The following PLPPR1 variants were observed in gnomAD, a reference collection of about 807,000 sequenced individuals.
PLPPR1 encodes the protein phospholipid phosphatase related 1.
In PLPPR1, 10 loss-of-function variants were observed where a neutral mutation model predicts 33.1. That is an observed-to-expected ratio of 0.30 (90% CI 0.19 to 0.51). The LOEUF (loss-of-function observed/expected upper bound fraction) is 0.51, where lower values mean the gene tolerates loss of function less well. PLPPR1 is among the 20% of genes least tolerant of loss of function. The pLI, the probability that PLPPR1 is intolerant of heterozygous loss-of-function variation, is 0.97. For missense variants in PLPPR1, 304 were observed against 408.1 expected, an observed-to-expected ratio of 0.74 and a Z score of 2.20; for synonymous variants, 151 against 151.0, an observed-to-expected ratio of 1.00 and a Z score of 0.00.
At chr9:101,258,775 G>A (rs180839985) in intron 2 of PLPPR1, among the ~76,000 whole-genome samples, 107 of 152,184 alleles carry the variant, frequency 7.0e-4, no homozygotes, top group Non-Finnish European at 1.3e-3. Context: ...TCTCAGGCTC[G>A]AGTTCTATGC....
At chr9:101,207,679 C>T (rs1301899714) in intron 2 of PLPPR1, among the ~76,000 whole-genome samples, 7 of 152,280 alleles carry the variant, frequency 4.6e-5, no homozygotes, top group African/African-American at 1.7e-4. Flanking sequence ...TGTATTTTGG[C>T]ATATGAAGTA....
chr9:101,187,720 A>G (rs2118721735), intron 2 of PLPPR1: 1 of 151,928 alleles, frequency 6.6e-6, no homozygotes, highest in East Asian at 1.9e-4. Context: ...TGACCAATGA[A>G]TATCTTTTCA....
intron 1 of PLPPR1, among the ~76,000 whole-genome samples, chr9:101,076,225 G>A (rs1830534857): frequency 1.3e-5 from 2 of 152,050 alleles, no homozygotes; most frequent in Non-Finnish European, 2.9e-5. Context: ...TCACTCTGAT[G>A]CATGCTTAAG....
chr9:101,068,598 T>G (rs1830447834), intron 1 of PLPPR1, among the ~76,000 whole-genome samples: 1 of 152,000 alleles, frequency 6.6e-6, no homozygotes, highest in Admixed American at 6.6e-5. Context: ...AAAATGCTCT[T>G]ATTTTTCAAG....
chr9:101,101,185 T>A (rs531070505), intron 1 of PLPPR1, among the ~76,000 whole-genome samples: 3 of 152,272 alleles, frequency 2.0e-5, no homozygotes, highest in African/African-American at 7.2e-5. Context: ...CAGTCATGAA[T>A]TCTTCTAAGG....
chr9:101,260,447 G>T (rs1274494971), intron 2 of PLPPR1, among the ~76,000 whole-genome samples: 1 of 152,104 alleles, frequency 6.6e-6, no homozygotes, highest in Non-Finnish European at 1.5e-5. Flanking sequence ...GTGGCAGTTT[G>T]CATAAATGAG....
chr9:101,185,766 T>C (rs1826192727), intron 2 of PLPPR1, among the ~76,000 whole-genome samples: 1 of 151,842 alleles, frequency 6.6e-6, no homozygotes, highest in African/African-American at 2.4e-5. Flanking sequence ...CCTTTGGATA[T>C]ATAATATATC....
At chr9:101,298,124 T>G (rs1828682316) in intron 4 of PLPPR1, among the ~76,000 whole-genome samples, 1 of 152,328 alleles carries the variant, frequency 6.6e-6, no homozygotes, top group South Asian at 2.1e-4. Flanking sequence ...TTTCCCTTCC[T>G]GAATAGTTGC....
intron 1 of PLPPR1, among the ~76,000 whole-genome samples, chr9:101,034,430 TGCAG>T (rs1171499473): frequency 6.6e-6 from 1 of 152,154 alleles, no homozygotes; most frequent in East Asian, 1.9e-4. Context: ...CACTTGGGCA[TGCAG>T]GCTGATGAGC....
chr9:101,258,561 T>C (rs1827842107), intron 2 of PLPPR1, among the ~76,000 whole-genome samples: 1 of 152,186 alleles, frequency 6.6e-6, no homozygotes. Context: ...TAGAGATCCT[T>C]GATGGATTGC....
Position 101,292,576 on chromosome 9 carries a change from G to T in PLPPR1, c.385+6340G>T, listed in dbSNP as rs199729525. Among the ~76,000 whole-genome samples, 5 of 134,340 alleles carry T rather than the reference G, an allele frequency of 3.7e-5. No homozygotes were observed. In the East Asian group the frequency reaches 1.3e-3, roughly 34 times the overall value. The allele number at this position is 134,340 out of a possible 152,430, so 88.1% of individuals were successfully genotyped here. A position where few individuals can be genotyped will look rare whatever the true frequency, so the allele number is the denominator to read the frequency against. ...GTAACCCACAAAGGGAAGCCCATCA[G>T]ACTAACAGCGGATCTCTTGGCAGAA... On this transcript the variant is annotated intron_variant, in intron 4 of 7. Coordinates refer to ENST00000374874, the MANE Select transcript of PLPPR1 (RefSeq NM_207299.2).
intron 2 of PLPPR1, among the ~76,000 whole-genome samples, chr9:101,223,163 A>G (rs947968336): frequency 8.9e-5 from 12 of 134,872 alleles, no homozygotes; most frequent in East Asian, 5.0e-4. Flanking sequence ...AAAAAAAAAA[A>G]AAAAAAAAAG....
chr9:101,155,604 C>T (rs112425836), intron 1 of PLPPR1, among the ~76,000 whole-genome samples: 132 of 144,128 alleles, frequency 9.2e-4, no homozygotes, highest in African/African-American at 3.4e-3. Flanking sequence ...CTCTCTCTCT[C>T]TTTTTTTTTT....
intron 1 of PLPPR1, among the ~76,000 whole-genome samples, chr9:101,145,501 C>G (rs1831509236): frequency 6.6e-6 from 1 of 152,042 alleles, no homozygotes; most frequent in African/African-American, 2.4e-5. Flanking sequence ...CCTGCCTCCT[C>G]CTCCTGAGTA....
chr9:101,049,871 A>G (rs2118440793), intron 1 of PLPPR1, among the ~76,000 whole-genome samples: 1 of 152,124 alleles, frequency 6.6e-6, no homozygotes, highest in East Asian at 1.9e-4. Flanking sequence ...CATGCCTGTA[A>G]TCCCAGCACT....
intron 2 of PLPPR1, among the ~76,000 whole-genome samples, chr9:101,221,051 C>CCT (rs1826922892): frequency 6.6e-6 from 1 of 152,006 alleles, no homozygotes; most frequent in African/African-American, 2.4e-5. Flanking sequence ...TAACACTACC[C>CCT]CTCTCCCTGT....
intron 2 of PLPPR1, among the ~76,000 whole-genome samples, chr9:101,195,070 A>C (rs1826372128): frequency 6.6e-6 from 1 of 152,196 alleles, no homozygotes. Flanking sequence ...CTTGCTCATC[A>C]CAATCACTCA....
intron 2 of PLPPR1, among the ~76,000 whole-genome samples, chr9:101,219,493 C>A (rs1352340655): frequency 6.6e-6 from 1 of 152,116 alleles, no homozygotes; most frequent in African/African-American, 2.4e-5. Flanking sequence ...TCTATTTCCT[C>A]GCCATGCCAG....
chr9:101,316,723 C>T (rs940012161), intron 6 of PLPPR1, among the ~76,000 whole-genome samples: 7 of 151,212 alleles, frequency 4.6e-5, no homozygotes, highest in South Asian at 2.1e-4. Context: ...TAAATGGAAG[C>T]GATAAAAGAA....
Sources: gnomAD v4.1 joint callset for allele counts (sites outside exome capture counted in the v4.1 genomes callset) on GRCh38, gnomAD v4.1.1 for gene constraint, MANE v1.5 for transcripts, NCBI Gene and HGNC (gene_info 2026-07-23, HGNC 2026-07-21) for gene names.